Variants in STARD13 observed in about 807,000 individuals in gnomAD.
The protein encoded by STARD13 is stAR-related lipid transfer protein 13.
A neutral mutation model predicts 106.4 loss-of-function variants in STARD13; 62 were observed. That is an observed-to-expected ratio of 0.58 (90% CI 0.48 to 0.72). The LOEUF (loss-of-function observed/expected upper bound fraction) is 0.72. STARD13 is among the 30% of genes least tolerant of loss of function. STARD13 has a pLI of 0.00. For missense variants in STARD13, 1,387 were observed against 1,424.0 expected, an observed-to-expected ratio of 0.97 and a Z score of 0.42; for synonymous variants, 565 against 553.0, an observed-to-expected ratio of 1.02 and a Z score of -0.31.
chr13:33,467,976 G>T, the STARD13 span, among the ~76,000 whole-genome samples: 12 of 152,240 alleles, frequency 7.9e-5, no homozygotes, highest in South Asian at 2.5e-3. Flanking sequence ...CATGGCAAAG[G>T]TGCCAGGAAT....
intron 1 of STARD13, among the ~76,000 whole-genome samples, chr13:33,270,269 G>C (rs745591975): frequency 5.3e-5 from 8 of 152,090 alleles, no homozygotes; most frequent in Non-Finnish European, 8.8e-5. Flanking sequence ...AAACAGCACA[G>C]AGTGGCACAT....
intron 1 of STARD13, among the ~76,000 whole-genome samples, chr13:33,283,545 A>G (rs1248105674): frequency 6.6e-6 from 1 of 152,198 alleles, no homozygotes; most frequent in Non-Finnish European, 1.5e-5. Flanking sequence ...ATTGTTTCAC[A>G]TTGCTTTCTC....
chr13:33,502,302 TC>T, the STARD13 span, among the ~76,000 whole-genome samples: 3 of 152,204 alleles, frequency 2.0e-5, no homozygotes, highest in African/African-American at 7.2e-5. Flanking sequence ...GATGGGGTTT[TC>T]TAAATATACA....
At chr13:33,299,205 C>T (rs1047418882) in intron 1 of STARD13, among the ~76,000 whole-genome samples, 4 of 152,182 alleles carry the variant, frequency 2.6e-5, no homozygotes, top group African/African-American at 9.7e-5. Flanking sequence ...TGAGTACATT[C>T]TATAATGTTC....
chr13:33,477,853 CA>C, the STARD13 span, among the ~76,000 whole-genome samples: 1 of 151,440 alleles, frequency 6.6e-6, no homozygotes, highest in Non-Finnish European at 1.5e-5. Context: ...CAAGTCTTAA[CA>C]ATTGAGAAAG....
the STARD13 span, among the ~76,000 whole-genome samples, chr13:33,451,174 C>A: frequency 6.6e-6 from 1 of 152,168 alleles, no homozygotes; most frequent in Non-Finnish European, 1.5e-5. Flanking sequence ...GCCCCCATGC[C>A]TGGCTGAAAT....
chr13:33,617,661 T>C, the STARD13 span, among the ~76,000 whole-genome samples: 1 of 152,154 alleles, frequency 6.6e-6, no homozygotes, highest in African/African-American at 2.4e-5. Context: ...AACATAATCA[T>C]AGTAGTAACA....
At chr13:33,625,403 C>T in the STARD13 span, among the ~76,000 whole-genome samples, 5,473 of 151,896 alleles carry the variant, frequency 0.036, 138 homozygotes, top group Non-Finnish European at 0.057. Context: ...AACCCCATCT[C>T]TACTAAAAAT....
intron 3 of STARD13, among the ~76,000 whole-genome samples, chr13:33,148,931 A>G (rs974377686): frequency 8.5e-5 from 13 of 152,228 alleles, no homozygotes; most frequent in Admixed American, 3.9e-4. Flanking sequence ...ACTTAAGTGC[A>G]TGTTACTAAG....
the STARD13 span, among the ~76,000 whole-genome samples, chr13:33,430,499 A>C: frequency 3.3e-5 from 5 of 152,210 alleles, no homozygotes; most frequent in Non-Finnish European, 5.9e-5. Context: ...TTAGTACACT[A>C]TGGAGAACAG....
intron 3 of STARD13, among the ~76,000 whole-genome samples, chr13:33,156,391 A>G (rs539869942): frequency 2.4e-4 from 37 of 152,268 alleles, no homozygotes; most frequent in African/African-American, 8.4e-4. Context: ...TTGCTTTCAA[A>G]TTCTTTTGTG....
the STARD13 span, among the ~76,000 whole-genome samples, chr13:33,447,844 TAA>T: frequency 6.6e-6 from 1 of 152,116 alleles, no homozygotes; most frequent in East Asian, 1.9e-4. Flanking sequence ...ATTCTGAAAA[TAA>T]GAGAGAAATA....
At chr13:33,644,859 G>A in the STARD13 span, among the ~76,000 whole-genome samples, 3 of 152,198 alleles carry the variant, frequency 2.0e-5, no homozygotes, top group Admixed American at 6.5e-5. Flanking sequence ...ACACTCAAAT[G>A]TTGAGATGGC....
intron 1 of STARD13, among the ~76,000 whole-genome samples, chr13:33,323,528 A>T (rs1482616655): frequency 1.3e-5 from 2 of 152,194 alleles, no homozygotes; most frequent in Non-Finnish European, 2.9e-5. Context: ...GTTGTTTTTC[A>T]GCTGAATTCC....
the STARD13 span, among the ~76,000 whole-genome samples, chr13:33,421,543 T>G: frequency 6.6e-6 from 1 of 152,210 alleles, no homozygotes; most frequent in Non-Finnish European, 1.5e-5. Context: ...CCATTACTTC[T>G]GAAACTATTC....
At chr13:33,288,555 G>A (rs536964000), upstream of STARD13, among the ~76,000 whole-genome samples, 115 of 151,072 alleles carry the variant, frequency 7.6e-4, no homozygotes, top group African/African-American at 2.7e-3. Flanking sequence ...GATTACAGGC[G>A]TGACCAATCA....
the STARD13 span, among the ~76,000 whole-genome samples, chr13:33,376,978 A>G: frequency 4.6e-5 from 7 of 152,336 alleles, no homozygotes; most frequent in African/African-American, 1.7e-4. Context: ...GAAGGAATGA[A>G]CATGTACTTG....
chr13:33,232,665 T>G (rs1888983035), intron 1 of STARD13, among the ~76,000 whole-genome samples: 1 of 152,246 alleles, frequency 6.6e-6, no homozygotes, highest in Admixed American at 6.5e-5. Flanking sequence ...CCCATAGAAA[T>G]GATATTTGAA....
At chr13:33,659,179 A>G in the STARD13 span, among the ~76,000 whole-genome samples, 5 of 150,176 alleles carry the variant, frequency 3.3e-5, no homozygotes, top group African/African-American at 1.2e-4. Context: ...TCCAATTTAT[A>G]GCCTGTTGGT....
Sources: gnomAD v4.1 joint callset for allele counts (sites outside exome capture counted in the v4.1 genomes callset) on GRCh38, gnomAD v4.1.1 for gene constraint, MANE v1.5 for transcripts, NCBI Gene and HGNC (gene_info 2026-07-23, HGNC 2026-07-21) for gene names.